Variants in NUP133 observed in about 807,000 individuals in gnomAD.
The protein encoded by NUP133 is nucleoporin 133.
In NUP133, 66 loss-of-function variants were observed where a neutral mutation model predicts 146.2. The observed-to-expected ratio is 0.45, with a 90% confidence interval of 0.37 to 0.55. The LOEUF is 0.55. NUP133 is among the 20% of genes least tolerant of loss of function. The pLI, the probability that NUP133 is intolerant of heterozygous loss-of-function variation, is 0.00. For synonymous variants in NUP133, 521 were observed against 498.8 expected (o/e 1.04, Z -0.59); for missense variants, 1,277 against 1,374.8 (o/e 0.93, Z 1.12).
chr1:229,503,527 G>A (rs570867972), intron 2 of NUP133, among the ~76,000 whole-genome samples: 89 of 152,214 alleles, frequency 5.8e-4, no homozygotes, highest in South Asian at 3.3e-3. Flanking sequence ...AAGTATTGGT[G>A]GTAAACCTCC....
intron 16 of NUP133, 140 bp from the exon 17 acceptor site, chr1:229,465,659 G>A: frequency 1.5e-6 from 1 of 682,312 alleles, no homozygotes; most frequent in Non-Finnish European, 2.6e-6. Context: ...TGTAATCCCA[G>A]TGCTTTGGGA....
chr1:229,471,522 CT>C (rs1029317360), intron 14 of NUP133, among the ~76,000 whole-genome samples: 1 of 152,136 alleles, frequency 6.6e-6, no homozygotes, highest in African/African-American at 2.4e-5. Context: ...TTCCATACCC[CT>C]AATGCTGCTG....
At chr1:229,452,728 G>T in intron 21 of NUP133, 85 bp from the exon 22 acceptor site, 1 of 998,392 alleles carries the variant, frequency 1.0e-6, no homozygotes, top group Non-Finnish European at 1.5e-6. Context: ...AAACAAATCT[G>T]AATTTTAAAA....
intron 25 of NUP133, among the ~76,000 whole-genome samples, chr1:229,443,213 T>C (rs1660222848): frequency 1.3e-5 from 2 of 151,526 alleles, no homozygotes; most frequent in South Asian, 4.2e-4. Context: ...TTTTTTTTTT[T>C]TTTTCTGTAG....
chr1:229,461,728 T>A (rs1660694509), intron 19 of NUP133, among the ~76,000 whole-genome samples: 1 of 151,932 alleles, frequency 6.6e-6, no homozygotes, highest in Non-Finnish European at 1.5e-5. Context: ...AAAAGGACTT[T>A]AAAATAACAT....
At chr1:229,482,510 G>A (rs974618041) in intron 12 of NUP133, among the ~76,000 whole-genome samples, 2 of 152,188 alleles carry the variant, frequency 1.3e-5, no homozygotes, top group African/African-American at 4.8e-5. Context: ...GAGCAGGGGG[G>A]CTGGATCACC....
chr1:229,498,085 ATTGAT>A (rs1661701107), intron 6 of NUP133, 46 bp downstream of exon 6: 3 of 1,339,134 alleles, frequency 2.2e-6, no homozygotes, highest in Non-Finnish European at 3.1e-6. Context: ...CTTTCAACTT[ATTGAT>A]TTAACTAAGA....
intron 20 of NUP133, among the ~76,000 whole-genome samples, chr1:229,458,876 T>C (rs1660628070): frequency 6.6e-6 from 1 of 152,056 alleles, no homozygotes; most frequent in South Asian, 2.1e-4. Flanking sequence ...GCACCCAGCC[T>C]GGACTACATA....
chr1:229,458,945 T>G (rs879175136), intron 20 of NUP133, among the ~76,000 whole-genome samples: 1 of 152,064 alleles, frequency 6.6e-6, no homozygotes, highest in Admixed American at 6.6e-5. Flanking sequence ...TTTATGCAAA[T>G]TATGTGGGAA....
chr1:229,464,070 G>A (rs1388886492), intron 18 of NUP133, among the ~76,000 whole-genome samples: 1 of 152,074 alleles, frequency 6.6e-6, no homozygotes, highest in Non-Finnish European at 1.5e-5. Context: ...GTTTGAACCC[G>A]GGAGATGGAG....
At chr1:229,500,657 G>A in intron 4 of NUP133, 99 bp downstream of exon 4, 1 of 685,804 alleles carries the variant, frequency 1.5e-6, no homozygotes. Context: ...ATTTCTATAG[G>A]TTTATAGTTA....
rs902434111 is a variant in NUP133 at position 229,448,846 on chromosome 1, G to T, written c.3245+280C>A. ...GGGAACCCCAATTTATAGCTGGTCG[G>T]TGAGGAACACAGGCAAAACCCCCTG... On this transcript the variant is annotated intron_variant, in intron 24 of 25. Coordinates refer to ENST00000261396, the MANE Select transcript of NUP133 (RefSeq NM_018230.3). The T allele has an allele frequency of 9.2e-5, 40 of 436,760 alleles. No individual in the cohort carries two copies. The Middle Eastern group carries it at 1.8e-3, about 20-fold the overall frequency. The allele number at this position is 436,760 out of a possible 1,614,324, so 27.1% of individuals were successfully genotyped here. A position where few individuals can be genotyped will look rare whatever the true frequency, so the allele number is the denominator to read the frequency against.
intron 8 of NUP133, among the ~76,000 whole-genome samples, chr1:229,490,358 A>G (rs1291550898): frequency 2.0e-5 from 3 of 152,120 alleles, no homozygotes; most frequent in African/African-American, 7.2e-5. Flanking sequence ...TGAATAGATA[A>G]ACAAACTGTG....
intron 15 of NUP133, among the ~76,000 whole-genome samples, chr1:229,468,837 GTT>G (rs1336924148): frequency 6.6e-6 from 1 of 152,144 alleles, no homozygotes; most frequent in Non-Finnish European, 1.5e-5. Context: ...GAGGTGATTT[GTT>G]TTTCTTTCAG....
intron 18 of NUP133, among the ~76,000 whole-genome samples, chr1:229,464,346 T>A (rs557159461): frequency 6.6e-6 from 1 of 152,312 alleles, no homozygotes; most frequent in East Asian, 1.9e-4. Flanking sequence ...ATCCAGTTAT[T>A]CACGTAAAGG....
At chr1:229,501,824 T>C (rs1661808351) in intron 3 of NUP133, among the ~76,000 whole-genome samples, 175 bp downstream of exon 3, 1 of 152,222 alleles carries the variant, frequency 6.6e-6, no homozygotes. Context: ...TTTTTCCCAA[T>C]ACACAAATGT....
chr1:229,487,559 C>T lies in NUP133; in HGVS notation c.1249G>A (p.Ala417Thr). ...ACAGCACTTTCGTTATACAGATAGG[C>T]AGTCTGGTTTGAAAAGTTTGGGACC... ...LTVPNFSNQT[A>T]YLYNESAVYV... Residue 417 changes from alanine to threonine, a missense_variant, in exon 10 of 26, where the codon GCC (alanine) becomes ACC (threonine). Ala to Thr is a moderately conservative substitution (Grantham distance 58). Coordinates refer to ENST00000261396, the MANE Select transcript of NUP133 (RefSeq NM_018230.3). The T allele has an allele frequency of 6.2e-7, 1 of 1,613,580 alleles. No homozygotes were observed. The highest frequency in any genetic ancestry group is 8.5e-7 in the Non-Finnish European group (1 of 1,179,730).
intron 21 of NUP133, 149 bp from the exon 22 acceptor site, chr1:229,452,792 T>C (rs1660483476): frequency 7.1e-6 from 4 of 560,958 alleles, no homozygotes; most frequent in Non-Finnish European, 1.3e-5. Flanking sequence ...CTCAGAATGC[T>C]TTTAATTCTT....
intron 2 of NUP133, among the ~76,000 whole-genome samples, chr1:229,502,341 CGAGGTCAGGA>C (rs1009901451): frequency 2.6e-5 from 4 of 151,546 alleles, no homozygotes; most frequent in African/African-American, 9.7e-5. Context: ...GGGAGGATCA[CGAGGTCAGGA>C]GATCGAGACC....
Sources: gnomAD v4.1 joint callset for allele counts (sites outside exome capture counted in the v4.1 genomes callset) on GRCh38, gnomAD v4.1.1 for gene constraint, MANE v1.5 for transcripts, NCBI Gene and HGNC (gene_info 2026-07-23, HGNC 2026-07-21) for gene names.